Variants in CDH18 observed in about 807,000 individuals in gnomAD.
The protein encoded by CDH18 is cadherin-18.
In CDH18, 31 loss-of-function variants were observed where a neutral mutation model predicts 67.9. The ratio of observed to expected loss-of-function variants is 0.46; its 90% CI spans 0.34 to 0.62. The LOEUF (loss-of-function observed/expected upper bound fraction) is 0.62, where lower values mean the gene tolerates loss of function less well. CDH18 is among the 20% of genes least tolerant of loss of function. CDH18 has a pLI of 0.01. For missense variants in CDH18, 890 were observed against 975.5 expected, an observed-to-expected ratio of 0.91 and a Z score of 1.17; for synonymous variants, 362 against 347.2, an observed-to-expected ratio of 1.04 and a Z score of -0.48.
intron 2 of CDH18, among the ~76,000 whole-genome samples, chr5:19,934,668 G>A (rs1794046510): frequency 6.6e-6 from 1 of 151,482 alleles, no homozygotes; most frequent in Non-Finnish European, 1.5e-5. Context: ...TGGCTTTGAT[G>A]TAAAGATACA....
In CDH18 at chr5:20,394,861, T is replaced by C. The variant is rs927413488; in HGVS notation, c.-579-139356A>G. Among the ~76,000 whole-genome samples the C allele has an allele frequency of 1.2e-3, 188 of 150,852 alleles. 1 individual carries two copies. The highest frequency in any genetic ancestry group is 4.2e-3 in the African/African-American group (174 of 41,022). ...TCAACATTACTAATCATGAGGAAAA[T>C]GGAAATTAAAACCACAATAAGATAC... On this transcript the variant is annotated intron_variant, in intron 1 of 14. Coordinates refer to the CDH18 transcript ENST00000507958.
chr5:20,203,799 T>G (rs1200660886), intron 2 of CDH18, among the ~76,000 whole-genome samples: 2 of 152,052 alleles, frequency 1.3e-5, no homozygotes, highest in East Asian at 3.9e-4. Flanking sequence ...CCTAATAAGA[T>G]GGCAATATGT....
chr5:20,197,046 C>T (rs2014660), intron 2 of CDH18, among the ~76,000 whole-genome samples: 108,105 of 151,990 alleles, frequency 0.71, 39,443 homozygotes, highest in African/African-American at 0.89. Context: ...GAGTCTCGCT[C>T]TGTTGCCCAG....
chr5:19,586,719 T>C (rs944418764), intron 7 of CDH18, among the ~76,000 whole-genome samples: 2 of 152,214 alleles, frequency 1.3e-5, no homozygotes, highest in African/African-American at 4.8e-5. Flanking sequence ...TTTGGGTATA[T>C]ACCCAGTAAT....
intron 5 of CDH18, among the ~76,000 whole-genome samples, chr5:19,663,107 T>G (rs1220277267): frequency 1.3e-5 from 2 of 151,958 alleles, no homozygotes; most frequent in Non-Finnish European, 2.9e-5. Flanking sequence ...ATTACAATAA[T>G]GCAACTATGC....
intron 2 of CDH18, among the ~76,000 whole-genome samples, chr5:20,167,280 T>C (rs1177136534): frequency 6.6e-6 from 1 of 152,120 alleles, no homozygotes; most frequent in Non-Finnish European, 1.5e-5. Flanking sequence ...GGAAAGAATG[T>C]TGGCACAAAA....
chr5:19,827,905 C>T (rs79319011), intron 3 of CDH18, among the ~76,000 whole-genome samples: 5,454 of 152,054 alleles, frequency 0.036, 318 homozygotes, highest in African/African-American at 0.12. Flanking sequence ...ATATGTGACA[C>T]GCCATACAAA....
chr5:20,123,053 A>C (rs1748498708), intron 2 of CDH18, among the ~76,000 whole-genome samples: 1 of 148,632 alleles, frequency 6.7e-6, no homozygotes, highest in African/African-American at 2.4e-5. Flanking sequence ...TATTATATGT[A>C]TCTTCAAATA....
At chr5:19,611,855 T>C (rs1027683476) in intron 6 of CDH18, among the ~76,000 whole-genome samples, 1 of 151,984 alleles carries the variant, frequency 6.6e-6, no homozygotes, top group Non-Finnish European at 1.5e-5. Context: ...CCCCCCAAAA[T>C]TGCCTACTGA....
At chr5:20,454,776 C>T (rs931374217) in intron 1 of CDH18, among the ~76,000 whole-genome samples, 6 of 152,026 alleles carry the variant, frequency 3.9e-5, no homozygotes, top group African/African-American at 7.2e-5. Context: ...AGCAATGCAG[C>T]GCCTTGTGAT....
At chr5:20,390,299 AC>A (rs1744726877) in intron 1 of CDH18, among the ~76,000 whole-genome samples, 1 of 151,586 alleles carries the variant, frequency 6.6e-6, no homozygotes, top group Non-Finnish European at 1.5e-5. Flanking sequence ...CAAGAAAAAA[AC>A]AAACGACTCC....
chr5:19,899,257 A>G (rs562711932), intron 2 of CDH18, among the ~76,000 whole-genome samples: 58 of 152,166 alleles, frequency 3.8e-4, no homozygotes, highest in African/African-American at 1.4e-3. Flanking sequence ...AAAATTAGCC[A>G]GGCATAGTGG....
intron 2 of CDH18, among the ~76,000 whole-genome samples, chr5:19,926,951 A>G (rs1793158383): frequency 6.6e-6 from 1 of 152,184 alleles, no homozygotes; most frequent in Admixed American, 6.5e-5. Flanking sequence ...ACCATAGTCT[A>G]ATTAAATTAA....
At chr5:19,926,713 A>G (rs1729541673) in intron 2 of CDH18, among the ~76,000 whole-genome samples, 1 of 152,110 alleles carries the variant, frequency 6.6e-6, no homozygotes, top group Non-Finnish European at 1.5e-5. Flanking sequence ...TGATTTGGTA[A>G]GGCATGAAAT....
intron 2 of CDH18, among the ~76,000 whole-genome samples, chr5:19,879,184 A>T (rs1787352195): frequency 6.6e-6 from 1 of 152,000 alleles, no homozygotes; most frequent in Non-Finnish European, 1.5e-5. Flanking sequence ...CAATTTTTTT[A>T]AAAAAGCAAG....
intron 2 of CDH18, among the ~76,000 whole-genome samples, chr5:20,010,907 C>A (rs538362553): frequency 2.0e-5 from 3 of 152,254 alleles, no homozygotes; most frequent in South Asian, 2.1e-4. Flanking sequence ...CTTTTACATC[C>A]AACTGACTAC....
intron 1 of CDH18, among the ~76,000 whole-genome samples, chr5:20,495,970 A>G (rs1753882258): frequency 6.6e-6 from 1 of 152,182 alleles, no homozygotes; most frequent in Non-Finnish European, 1.5e-5. Context: ...AGGACAAGAG[A>G]CAAAATCAGT....
At chr5:19,834,974 G>A (rs1475386277) in intron 3 of CDH18, among the ~76,000 whole-genome samples, 2 of 152,040 alleles carry the variant, frequency 1.3e-5, no homozygotes, top group Non-Finnish European at 2.9e-5. Context: ...AATTCCTCAA[G>A]GATCTAGAAT....
intron 11 of CDH18, among the ~76,000 whole-genome samples, chr5:19,489,250 C>CTT (rs1237810466): frequency 0.018 from 2,249 of 128,070 alleles, 90 homozygotes; most frequent in African/African-American, 0.063. Context: ...TTTTTTTTTT[C>CTT]TTTTTTTTTT....
Sources: gnomAD v4.1 joint callset for allele counts (sites outside exome capture counted in the v4.1 genomes callset) on GRCh38, gnomAD v4.1.1 for gene constraint, MANE v1.5 for transcripts, NCBI Gene and HGNC (gene_info 2026-07-23, HGNC 2026-07-21) for gene names.